Variants in CCSER1 observed in about 807,000 individuals in gnomAD.
CCSER1 encodes the protein coiled-coil serine rich protein 1.
A neutral mutation model predicts 82.0 loss-of-function variants in CCSER1; 41 were observed. The ratio of observed to expected loss-of-function variants is 0.50; its 90% CI spans 0.39 to 0.65. The LOEUF is 0.65. Among genes scored for constraint, CCSER1 ranks in the 30% least tolerant of loss-of-function variants. The pLI, the probability that CCSER1 is intolerant of heterozygous loss-of-function variation, is 0.00. For missense variants in CCSER1, 1,119 were observed against 1,064.2 expected (o/e 1.05, Z -0.72); for synonymous variants, 414 against 383.9 (o/e 1.08, Z -0.92).
chr4:91,323,191 A>G (rs2149267403), intron 10 of CCSER1, among the ~76,000 whole-genome samples: 1 of 152,260 alleles, frequency 6.6e-6, no homozygotes, highest in South Asian at 2.1e-4. Context: ...AATCCTGAGG[A>G]CAGGTGTTTG....
rs547260189 is a variant in CCSER1, at chr4:90,708,192, A to G, written c.1933-15722A>G. On this transcript the variant is annotated intron_variant, in intron 6 of 10. Transcript: ENST00000509176. ...GCCATCATTTCAGTCTCACAAGACT[A>G]TATAAAAATAGCGTCATGCCTGAGG... 9.2e-5 allele frequency among the ~76,000 whole-genome samples: 14 copies of G among 152,304 alleles called. No homozygotes were observed. In the South Asian group the frequency reaches 1.9e-3, roughly 20 times the overall value.
chr4:90,504,029 A>G (rs1426302330), intron 5 of CCSER1, among the ~76,000 whole-genome samples: 8 of 152,070 alleles, frequency 5.3e-5, no homozygotes, highest in Admixed American at 4.6e-4. Context: ...ACATAATTGT[A>G]TTCATAACCT....
chr4:90,800,758 A>T (rs984962927), intron 7 of CCSER1, among the ~76,000 whole-genome samples: 1 of 152,162 alleles, frequency 6.6e-6, no homozygotes, highest in East Asian at 1.9e-4. Flanking sequence ...AAACTAATTT[A>T]TGTTGTGTAG....
intron 9 of CCSER1, among the ~76,000 whole-genome samples, chr4:91,083,915 A>G (rs1021855268): frequency 5.3e-5 from 8 of 152,148 alleles, no homozygotes; most frequent in Non-Finnish European, 4.4e-5. Context: ...GATGGTAGGA[A>G]AATTGAGGGT....
intron 6 of CCSER1, among the ~76,000 whole-genome samples, chr4:90,656,241 C>A (rs1729680393): frequency 6.6e-6 from 1 of 151,776 alleles, no homozygotes; most frequent in South Asian, 2.1e-4. Context: ...TTGTGTCCTG[C>A]AAGTTTCTGA....
At chr4:91,038,099 A>T (rs1047856431) in intron 9 of CCSER1, among the ~76,000 whole-genome samples, 1 of 152,164 alleles carries the variant, frequency 6.6e-6, no homozygotes. Flanking sequence ...CCCTGTCCAC[A>T]AGAGTTTCTT....
chr4:91,309,485 G>A (rs540719273), intron 10 of CCSER1, among the ~76,000 whole-genome samples: 2 of 152,106 alleles, frequency 1.3e-5, no homozygotes, highest in South Asian at 4.1e-4. Context: ...ACTGATGTTT[G>A]CAGAAAACCC....
At chr4:90,947,279 G>A (rs975665258) in intron 9 of CCSER1, among the ~76,000 whole-genome samples, 1 of 152,048 alleles carries the variant, frequency 6.6e-6, no homozygotes, top group African/African-American at 2.4e-5. Context: ...ATGAAAATAT[G>A]GAAAGTATCA....
chr4:91,128,612 A>C (rs2148903795), intron 10 of CCSER1, among the ~76,000 whole-genome samples: 1 of 152,206 alleles, frequency 6.6e-6, no homozygotes, highest in East Asian at 1.9e-4. Context: ...CTAACGGCAA[A>C]ATCAGAGAAT....
chr4:91,497,382 A>G (rs959714018), intron 10 of CCSER1, among the ~76,000 whole-genome samples: 3 of 151,744 alleles, frequency 2.0e-5, no homozygotes, highest in Non-Finnish European at 4.4e-5. Flanking sequence ...AGATGTCCAC[A>G]TTTTTATTTT....
intron 9 of CCSER1, among the ~76,000 whole-genome samples, chr4:91,069,542 T>C (rs984131533): frequency 2.0e-5 from 3 of 152,236 alleles, no homozygotes; most frequent in African/African-American, 7.2e-5. Context: ...ACTGGGGATA[T>C]AAAGTTTTAC....
At chr4:90,400,011 A>C in intron 3 of CCSER1, 25 bp from the exon 4 acceptor site, 1 of 1,406,654 alleles carries the variant, frequency 7.1e-7, no homozygotes, top group Non-Finnish European at 1.0e-6. Flanking sequence ...TTGGTTTCTA[A>C]TTGTTGGTTT....
intron 10 of CCSER1, among the ~76,000 whole-genome samples, chr4:91,435,122 T>A (rs1754571782): frequency 6.6e-6 from 1 of 152,182 alleles, no homozygotes. Context: ...TATCTAACAC[T>A]TTCCATGGTA....
chr4:90,734,315 C>T (rs534744455), intron 7 of CCSER1, among the ~76,000 whole-genome samples: 8 of 151,832 alleles, frequency 5.3e-5, no homozygotes, highest in South Asian at 2.1e-4. Flanking sequence ...TTAGTAGAGA[C>T]GGGGTTTCAC....
chr4:91,496,799 TG>T (rs1758919542), intron 10 of CCSER1, among the ~76,000 whole-genome samples: 1 of 88,726 alleles, frequency 1.1e-5, no homozygotes, highest in Non-Finnish European at 2.2e-5. Context: ...AATATATATT[TG>T]AATATATATA....
intron 10 of CCSER1, among the ~76,000 whole-genome samples, chr4:91,195,888 T>C (rs1735367436): frequency 6.6e-6 from 1 of 151,864 alleles, no homozygotes; most frequent in South Asian, 2.1e-4. Context: ...CAACTCTTCA[T>C]GACTCCACCT....
intron 5 of CCSER1, among the ~76,000 whole-genome samples, chr4:90,609,375 T>G (rs535569233): frequency 1.1e-3 from 165 of 152,316 alleles, no homozygotes; most frequent in Admixed American, 2.3e-3. Flanking sequence ...GTCAGTTGTA[T>G]TCATATTTAA....
chr4:91,334,011 G>A (rs115401928), intron 10 of CCSER1, among the ~76,000 whole-genome samples: 3,060 of 152,118 alleles, frequency 0.02, 115 homozygotes, highest in African/African-American at 0.069. Context: ...CATCATCTAT[G>A]TATTTTACCA....
chr4:90,505,538 C>G (rs903815080), intron 5 of CCSER1, among the ~76,000 whole-genome samples: 1 of 152,148 alleles, frequency 6.6e-6, no homozygotes, highest in African/African-American at 2.4e-5. Context: ...AGAGTGAGCC[C>G]TGAGGGCTGC....
Sources: allele counts gnomAD v4.1 joint callset (sites outside exome capture counted in the v4.1 genomes callset), GRCh38; gene constraint gnomAD v4.1.1; transcripts MANE v1.5; gene names NCBI Gene and HGNC (gene_info 2026-07-23, HGNC 2026-07-21).